The following ZC3H12B variants were observed in gnomAD, a reference collection of about 807,000 sequenced individuals.
ZC3H12B encodes the protein probable ribonuclease ZC3H12B.
ZC3H12B carries 7 observed loss-of-function variants against 43.9 expected under a neutral mutation model. The observed-to-expected ratio is 0.16, with a 90% CI of 0.09 to 0.30. The LOEUF (loss-of-function observed/expected upper bound fraction) is 0.30. ZC3H12B is among the 10% of genes least tolerant of loss of function. ZC3H12B has a pLI of 1.00. For missense variants in ZC3H12B, 475 were observed against 670.2 expected, an observed-to-expected ratio of 0.71 and a Z score of 3.22; for synonymous variants, 222 against 241.7, an observed-to-expected ratio of 0.92 and a Z score of 0.76.
chrX:65,414,808 G>A (rs1344921570), intron 3 of ZC3H12B, among the ~76,000 whole-genome samples: 1 of 112,252 alleles, frequency 8.9e-6, no homozygotes, highest in Non-Finnish European at 1.9e-5. Flanking sequence ...CCTGCCACTA[G>A]TTAGCTAGCT....
At chrX:65,124,934 A>G in the ZC3H12B span, among the ~76,000 whole-genome samples, 1 of 110,692 alleles carries the variant, frequency 9.0e-6, no homozygotes, top group African/African-American at 3.3e-5. Context: ...TCAAAGAACC[A>G]GCTTTTTGTT....
the ZC3H12B span, among the ~76,000 whole-genome samples, chrX:65,091,112 C>T: frequency 7.2e-5 from 8 of 111,711 alleles, no homozygotes; most frequent in African/African-American, 2.6e-4. Flanking sequence ...TCAGGTATTT[C>T]TTTATAGCAA....
At chrX:65,222,160 T>A in the ZC3H12B span, among the ~76,000 whole-genome samples, 39 of 111,662 alleles carry the variant, frequency 3.5e-4, 1 homozygote, top group Non-Finnish European at 7.0e-4. Flanking sequence ...CACTTTATGA[T>A]TAAAACCCTC....
At chrX:65,345,346 C>A in the ZC3H12B span, among the ~76,000 whole-genome samples, 6 of 112,101 alleles carry the variant, frequency 5.4e-5, no homozygotes, top group African/African-American at 1.9e-4. Context: ...TACATATACA[C>A]CATGGAATGC....
At chrX:65,101,534 A>G in the ZC3H12B span, among the ~76,000 whole-genome samples, 1 of 111,982 alleles carries the variant, frequency 8.9e-6, no homozygotes, top group South Asian at 3.7e-4. Flanking sequence ...AATCAAATAG[A>G]CACAATAAAA....
At chrX:65,435,063 A>G (rs1038139421) in intron 3 of ZC3H12B, among the ~76,000 whole-genome samples, 3 of 112,207 alleles carry the variant, frequency 2.7e-5, no homozygotes, top group Admixed American at 9.5e-5. Flanking sequence ...GACAGCCTAC[A>G]AGGTTGGGGG....
the ZC3H12B span, among the ~76,000 whole-genome samples, chrX:65,268,249 A>G: frequency 8.9e-6 from 1 of 112,256 alleles, no homozygotes; most frequent in African/African-American, 3.2e-5. Flanking sequence ...TCAATAACGA[A>G]GAGACTGAAG....
At chrX:65,196,459 G>C in the ZC3H12B span, among the ~76,000 whole-genome samples, 1 of 111,155 alleles carries the variant, frequency 9.0e-6, no homozygotes, top group Non-Finnish European at 1.9e-5. Context: ...AGTTATTAGC[G>C]CAACAGAAAC....
chrX:65,170,177 G>A, the ZC3H12B span, among the ~76,000 whole-genome samples: 2 of 111,726 alleles, frequency 1.8e-5, no homozygotes, highest in South Asian at 3.7e-4. Flanking sequence ...GGTACCAATT[G>A]TTCCTTTCCA....
At chrX:65,170,674 T>G in the ZC3H12B span, among the ~76,000 whole-genome samples, 1 of 111,978 alleles carries the variant, frequency 8.9e-6, no homozygotes, top group Non-Finnish European at 1.9e-5. Flanking sequence ...GGTACACCAA[T>G]GAGACGTAGG....
chrX:65,261,800 A>G, the ZC3H12B span, among the ~76,000 whole-genome samples: 4 of 111,406 alleles, frequency 3.6e-5, no homozygotes, highest in African/African-American at 1.3e-4. Flanking sequence ...CAGATATTAT[A>G]ATGCAGGTAG....
the ZC3H12B span, among the ~76,000 whole-genome samples, chrX:65,161,572 C>G: frequency 1.8e-5 from 2 of 111,505 alleles, no homozygotes; most frequent in Admixed American, 1.9e-4. Flanking sequence ...TTATCAGAGA[C>G]TAGGATTGCA....
the ZC3H12B span, among the ~76,000 whole-genome samples, chrX:65,137,192 A>G: frequency 1.1e-4 from 12 of 112,390 alleles, no homozygotes; most frequent in Admixed American, 5.7e-4. Flanking sequence ...ATCAGTTTTT[A>G]TATAAGATTT....
the ZC3H12B span, among the ~76,000 whole-genome samples, chrX:65,165,379 G>C: frequency 8.9e-6 from 1 of 111,884 alleles, no homozygotes; most frequent in South Asian, 3.7e-4. Flanking sequence ...TGTCATCTAG[G>C]TTTTAAGCCC....
At chrX:65,207,463 A>G in the ZC3H12B span, among the ~76,000 whole-genome samples, 1 of 110,934 alleles carries the variant, frequency 9.0e-6, no homozygotes, top group East Asian at 2.8e-4. Flanking sequence ...AATGATGACA[A>G]TGCACTTAAA....
chrX:65,361,641 T>C (rs1459959659), upstream of ZC3H12B, among the ~76,000 whole-genome samples: 1 of 110,903 alleles, frequency 9.0e-6, no homozygotes, highest in Non-Finnish European at 1.9e-5. Flanking sequence ...GCCCAGCTCA[T>C]GTCCCATTTG....
At chrX:65,372,638 G>GAGGA (rs575783151) in intron 2 of ZC3H12B, among the ~76,000 whole-genome samples, 2 of 108,182 alleles carry the variant, frequency 1.8e-5, no homozygotes, top group African/African-American at 6.7e-5. Flanking sequence ...GGGAGGAAGG[G>GAGGA]AGGAAGGAAG....
chrX:65,500,649 G>A (rs1044871059), intron 4 of ZC3H12B, among the ~76,000 whole-genome samples: 1 of 110,735 alleles, frequency 9.0e-6, no homozygotes, highest in Non-Finnish European at 1.9e-5. Context: ...AGCTGGTCTC[G>A]AACTCCTGAC....
the ZC3H12B span, among the ~76,000 whole-genome samples, chrX:65,153,651 C>G: frequency 8.9e-6 from 1 of 112,097 alleles, no homozygotes; most frequent in Non-Finnish European, 1.9e-5. Context: ...ACTAGTTCAA[C>G]CATTGTGGAA....
Sources: allele counts gnomAD v4.1 joint callset (sites outside exome capture counted in the v4.1 genomes callset), GRCh38; gene constraint gnomAD v4.1.1; transcripts MANE v1.5; gene names NCBI Gene and HGNC (gene_info 2026-07-23, HGNC 2026-07-21).